FAM193A: variants seen among roughly 807,000 people sequenced by gnomAD.
FAM193A encodes family with sequence similarity 193 member A.
A neutral mutation model predicts 126.5 loss-of-function variants in FAM193A; 22 were observed. The observed-to-expected ratio is 0.17, with a 90% CI of 0.12 to 0.25. The LOEUF (loss-of-function observed/expected upper bound fraction) is 0.25. Among genes scored for constraint, FAM193A ranks in the 10% least tolerant of loss-of-function variants. The probability of loss-of-function intolerance (pLI) is 1.00; values close to 1 mark genes in which losing one functional copy is unlikely to be tolerated. For missense variants in FAM193A, 1,675 were observed against 1,672.8 expected (o/e 1.00, Z -0.02); for synonymous variants, 761 against 646.8 (o/e 1.18, Z -2.68).
At position 2,708,063 on chromosome 4, in the gene FAM193A, C is replaced by T. The variant is rs531002899; in HGVS notation, c.4372+7519C>T. The T allele has an allele frequency of 4.9e-4, 192 of 391,490 alleles. 5 individuals carry two copies. Among genetic ancestry groups the T allele is most frequent in the South Asian group, 3.4e-3 (185 of 55,040 alleles). 24.3% of individuals were successfully genotyped at this position (391,490 alleles called of 1,614,324 possible). A position where few individuals can be genotyped will look rare whatever the true frequency, so the allele number is the denominator to read the frequency against. ...CTGTGCCCAGCCTCAGATTGTATTT[C>T]TATTGGATAGTGCTGCCCTAACTGG... is the stretch of plus-strand genomic sequence containing the variant. On this transcript the variant is annotated intron_variant, in intron 19 of 20. Coordinates refer to ENST00000637812, the MANE Select transcript of FAM193A (RefSeq NM_001366318.2).
intron 7 of FAM193A, among the ~76,000 whole-genome samples, chr4:2,653,866 A>G (rs1413432392): frequency 6.6e-6 from 1 of 152,200 alleles, no homozygotes; most frequent in Non-Finnish European, 1.5e-5. Flanking sequence ...TTCTGGAACC[A>G]TGTATGCATG....
intron 2 of FAM193A, among the ~76,000 whole-genome samples, chr4:2,599,216 GT>G (rs200824190): frequency 0.044 from 6,434 of 146,048 alleles, 319 homozygotes; most frequent in East Asian, 0.12. Context: ...AAGTTAAACT[GT>G]TTTTTTTTTT....
intron 2 of FAM193A, among the ~76,000 whole-genome samples, chr4:2,620,033 G>C (rs1382982835): frequency 6.6e-6 from 1 of 152,136 alleles, no homozygotes; most frequent in Non-Finnish European, 1.5e-5. Context: ...TCCTTCTTAG[G>C]AGTCATTGTC....
intron 2 of FAM193A, among the ~76,000 whole-genome samples, chr4:2,620,784 C>T (rs577436735): frequency 2.8e-5 from 4 of 143,248 alleles, no homozygotes; most frequent in South Asian, 2.2e-4. Flanking sequence ...TGCAGTGAGC[C>T]GATATCACAG....
At chr4:2,671,138 C>T (rs1294478275) in intron 12 of FAM193A, among the ~76,000 whole-genome samples, 2 of 152,226 alleles carry the variant, frequency 1.3e-5, no homozygotes, top group African/African-American at 2.4e-5. Context: ...GTTCTCAAGT[C>T]AGCTGTGTTG....
intron 1 of FAM193A, among the ~76,000 whole-genome samples, chr4:2,590,495 ACAAAAAAAAAC>A (rs1325721878): frequency 6.1e-5 from 6 of 98,024 alleles, no homozygotes; most frequent in African/African-American, 3.4e-4. Context: ...ACAAAAAAAA[ACAAAAAAAAAC>A]AAAAAAAAAA....
intron 1 of FAM193A, among the ~76,000 whole-genome samples, chr4:2,565,128 T>TC (rs1738858829): frequency 3.3e-5 from 5 of 151,964 alleles, no homozygotes; most frequent in African/African-American, 1.2e-4. Flanking sequence ...GGTGTTAGCC[T>TC]GTTTTTTTTT....
intron 19 of FAM193A, among the ~76,000 whole-genome samples, chr4:2,705,241 C>T (rs906347428): frequency 6.6e-6 from 1 of 152,150 alleles, no homozygotes; most frequent in African/African-American, 2.4e-5. Flanking sequence ...GGACATTAGC[C>T]TTTTACTCAT....
intron 1 of FAM193A, among the ~76,000 whole-genome samples, chr4:2,554,230 G>C (rs1738120249): frequency 1.3e-5 from 2 of 151,994 alleles, no homozygotes; most frequent in African/African-American, 2.4e-5. Context: ...GATTACAGGT[G>C]CCCACCACTG....
intron 2 of FAM193A, among the ~76,000 whole-genome samples, chr4:2,598,401 A>G (rs1038418866): frequency 2.6e-5 from 4 of 152,172 alleles, no homozygotes; most frequent in Non-Finnish European, 4.4e-5. Context: ...GGCTATTTTG[A>G]AAAAAGCTGC....
At chr4:2,566,587 G>A (rs1738965994) in intron 1 of FAM193A, among the ~76,000 whole-genome samples, 1 of 152,050 alleles carries the variant, frequency 6.6e-6, no homozygotes, top group African/African-American at 2.4e-5. Context: ...TACTCGGGAG[G>A]CTGAGGCAGG....
At chr4:2,657,010 T>C (rs961921668) in intron 7 of FAM193A, among the ~76,000 whole-genome samples, 2 of 151,902 alleles carry the variant, frequency 1.3e-5, no homozygotes, top group African/African-American at 4.8e-5. Flanking sequence ...CTAGTAAAAA[T>C]AGAAAAATGA....
At chr4:2,604,748 G>C (rs940632415) in intron 2 of FAM193A, among the ~76,000 whole-genome samples, 3 of 147,752 alleles carry the variant, frequency 2.0e-5, no homozygotes, top group Admixed American at 6.8e-5. Flanking sequence ...TAGACTTTAC[G>C]TGGTTTTAAT....
chr4:2,646,843 C>T lies in FAM193A; in HGVS notation c.1311+11C>T, dbSNP rs775737702. 10 of 1,607,184 alleles carry T rather than the reference C, an allele frequency of 6.2e-6. No individual in the cohort carries two copies. Among genetic ancestry groups the T allele is most frequent in the Admixed American group, 1.7e-5 (1 of 59,280 alleles). The stretch of plus-strand genomic sequence containing the variant: ...TATGTCGACGAGCAGGTGAGTGCCA[C>T]CCGGGACCACCGCACCCCGCGCACA... On this transcript the variant is annotated intron_variant, in intron 7 of 20. Coordinates refer to ENST00000637812, the MANE Select transcript of FAM193A (RefSeq NM_001366318.2).
chr4:2,606,332 G>C (rs758216739), intron 2 of FAM193A, among the ~76,000 whole-genome samples: 14 of 152,172 alleles, frequency 9.2e-5, no homozygotes, highest in Non-Finnish European at 1.8e-4. Context: ...TTATAGGCGT[G>C]AGCCACCGCA....
intron 1 of FAM193A, among the ~76,000 whole-genome samples, chr4:2,542,407 G>T (rs1014617575): frequency 1.3e-5 from 2 of 152,190 alleles, no homozygotes; most frequent in African/African-American, 4.8e-5. Flanking sequence ...GCCTCCAAAA[G>T]TGCTGGAATT....
intron 1 of FAM193A, among the ~76,000 whole-genome samples, chr4:2,583,151 C>T (rs1740048356): frequency 6.6e-6 from 1 of 152,206 alleles, no homozygotes; most frequent in Admixed American, 6.5e-5. Flanking sequence ...TCAGTAGAGA[C>T]AGAACCCTGT....
Position 2,664,558 on chromosome 4 carries a change from C to CTTTTTTTTTTTTT in FAM193A, c.2079+1284_2079+1296dup, listed in dbSNP as rs33958851. Among the ~76,000 whole-genome samples, 203 of 73,100 alleles carry CTTTTTTTTTTTTT rather than the reference C, an allele frequency of 2.8e-3. 5 individuals are homozygous for CTTTTTTTTTTTTT. The highest frequency in any genetic ancestry group is 4.0e-3 in the Non-Finnish European group (155 of 38,280). The allele number at this position is 73,100 out of a possible 152,430, so 48.0% of individuals were successfully genotyped here. A position where few individuals can be genotyped will look rare whatever the true frequency, so the allele number is the denominator to read the frequency against. Reference sequence around the variant, plus strand: ...ACCTTTCTCTCTCTCTATTTTCTTTCTTTTTTTTTTTTTTTTTTTTTTTTT... The same window carrying CTTTTTTTTTTTTT: ...ACCTTTCTCTCTCTCTATTTTCTTTCTTTTTTTTTTTTTTTTTTTTTTTTTTTTTTTTTTTTTT... On this transcript the variant is annotated intron_variant, in intron 12 of 20. Transcript: ENST00000637812.
rs545371766 is a variant in FAM193A at position 2,586,252 on chromosome 4, A to T, written c.256-9832A>T. 5.3e-3 allele frequency among the ~76,000 whole-genome samples: 800 copies of T among 150,612 alleles called. 5 individuals are homozygous for T. Among genetic ancestry groups the T allele is most frequent in the African/African-American group, 0.015 (600 of 40,950 alleles). Reference sequence around the variant, plus strand: ...GAGCAAAAACTCCGTCTCAAAAAAAAAAATATATATATATATAGTTGAATC... The same window carrying T: ...GAGCAAAAACTCCGTCTCAAAAAAATAAATATATATATATATAGTTGAATC... On this transcript the variant is annotated intron_variant, in intron 1 of 20. Coordinates refer to ENST00000637812, the MANE Select transcript of FAM193A (RefSeq NM_001366318.2).
Sources: allele counts gnomAD v4.1 joint callset (sites outside exome capture counted in the v4.1 genomes callset), GRCh38; gene constraint gnomAD v4.1.1; transcripts MANE v1.5; gene names NCBI Gene and HGNC (gene_info 2026-07-23, HGNC 2026-07-21).